The following COL4A4 variants were observed in gnomAD, a reference collection of about 807,000 sequenced individuals.
The protein encoded by COL4A4 is collagen type IV alpha 4 chain.
In COL4A4, 105 loss-of-function variants were observed where a neutral mutation model predicts 192.9. That is an observed-to-expected ratio of 0.54 (90% CI 0.46 to 0.64). The LOEUF (loss-of-function observed/expected upper bound fraction) is 0.64, where lower values mean the gene tolerates loss of function less well. COL4A4 is among the 30% of genes least tolerant of loss of function. COL4A4 has a pLI of 0.00. For synonymous variants in COL4A4, 762 were observed against 769.9 expected (o/e 0.99, Z 0.17); for missense variants, 1,967 against 2,169.3 (o/e 0.91, Z 1.85).
rs754464583 is a variant in COL4A4 at position 227,080,563 on chromosome 2, T to C, written c.1697-14A>G. ...CTCCTTTGTGCCCTGGAAATAGAGG[T>C]CAAAAGATATTCAAGCTCTTATCAG... is the stretch of plus-strand genomic sequence containing the variant. On this transcript the variant is annotated splice_polypyrimidine_tract_variant and intron_variant, in intron 23 of 47. Coordinates refer to ENST00000396625, the MANE Select transcript of COL4A4 (RefSeq NM_000092.5). 1.6e-5 allele frequency: 26 copies of C among 1,603,098 alleles called. 1 individual carries two copies. The highest frequency in any genetic ancestry group is 2.2e-5 in the Non-Finnish European group (26 of 1,170,426).
intron 24 of COL4A4, among the ~76,000 whole-genome samples, chr2:227,080,206 C>G (rs185638008): frequency 2.0e-5 from 3 of 152,242 alleles, no homozygotes; most frequent in East Asian, 3.9e-4. Context: ...ATATAAAGAC[C>G]AAGGACCGAA....
chr2:227,164,406 C>T, upstream of COL4A4: 1 of 490,832 alleles, frequency 2.0e-6, no homozygotes, highest in Non-Finnish European at 3.7e-6. This position sits in a 1 kb window ranked among gnomAD's most constrained non-coding sequence, Gnocchi z 4.8. Context: ...CCTGGATCCG[C>T]GCCCACCTGC....
chr2:226,996,857 A>G, the COL4A4 span: 2 of 152,396 alleles, frequency 1.3e-5, no homozygotes, highest in Admixed American at 1.3e-4. Flanking sequence ...ACTTAAAAAT[A>G]AATACTATGT....
chr2:227,118,553 T>C (rs943601429), intron 7 of COL4A4, 92 bp downstream of exon 7: 2 of 984,660 alleles, frequency 2.0e-6, no homozygotes, highest in African/African-American at 1.6e-5. Context: ...GGCACACTTG[T>C]ATTAACTCTG....
chr2:227,103,073 G>C, intron 14 of COL4A4, 71 bp downstream of exon 14: 2 of 1,374,628 alleles, frequency 1.5e-6, no homozygotes, highest in Non-Finnish European at 2.0e-6. Flanking sequence ...TAAAGACCAT[G>C]AGAAATAACA....
At position 227,003,089 on chromosome 2, in the gene COL4A4, T is replaced by C. The variant is rs564235267; in HGVS notation, c.*4236A>G. The C allele has an allele frequency of 3.3e-5, 5 of 152,534 alleles. No homozygotes were observed. In the East Asian group the frequency reaches 7.7e-4, roughly 24 times the overall value. The allele number at this position is 152,534 out of a possible 1,614,324, so 9.4% of individuals were successfully genotyped here. A position where few individuals can be genotyped will look rare whatever the true frequency, so the allele number is the denominator to read the frequency against. Reference sequence around the variant, plus strand: ...TTACTGATAATGTCCCTGCAGGAAATTGTGATATTTTCTGTGCTACAGTAA... The same window carrying C: ...TTACTGATAATGTCCCTGCAGGAAACTGTGATATTTTCTGTGCTACAGTAA... On this transcript the variant is annotated 3_prime_UTR_variant, in exon 48 of 48. Coordinates refer to ENST00000396625, the MANE Select transcript of COL4A4 (RefSeq NM_000092.5).
At chr2:226,987,475 C>T in the COL4A4 span, among the ~76,000 whole-genome samples, 36 of 152,190 alleles carry the variant, frequency 2.4e-4, no homozygotes, top group Non-Finnish European at 3.7e-4. Context: ...GTAGGACAGG[C>T]AACAGTCTCC....
chr2:227,111,031 C>A (rs1297272517), intron 9 of COL4A4, among the ~76,000 whole-genome samples: 1 of 152,204 alleles, frequency 6.6e-6, no homozygotes, highest in Non-Finnish European at 1.5e-5. Context: ...ACTGGAAAGA[C>A]TAATATAATC....
the COL4A4 span, among the ~76,000 whole-genome samples, chr2:226,974,209 T>G: frequency 6.8e-6 from 1 of 147,672 alleles, no homozygotes; most frequent in African/African-American, 2.5e-5. Context: ...CAGAGTGTTG[T>G]ATGGGTGTTG....
chr2:227,029,912 T>A (rs905360113), intron 41 of COL4A4, among the ~76,000 whole-genome samples: 10 of 152,168 alleles, frequency 6.6e-5, no homozygotes. Flanking sequence ...ACATGGCTAG[T>A]TAGCACTTGA....
intron 37 of COL4A4, among the ~76,000 whole-genome samples, chr2:227,041,886 G>GAA (rs757910382): frequency 2.8e-5 from 4 of 145,398 alleles, no homozygotes; most frequent in Admixed American, 6.7e-5. Flanking sequence ...AAGAAAGAAA[G>GAA]AAAGAAAGAA....
intron 39 of COL4A4, 36 bp downstream of exon 39, chr2:227,032,112 G>A: frequency 1.2e-6 from 2 of 1,614,164 alleles, no homozygotes; most frequent in Non-Finnish European, 1.7e-6. Context: ...TTTTGGTTTA[G>A]TTATTGAAAG....
chr2:227,120,133 C>T (rs1319187531), intron 5 of COL4A4, among the ~76,000 whole-genome samples, 194 bp from the exon 6 acceptor site: 1 of 152,102 alleles, frequency 6.6e-6, no homozygotes, highest in South Asian at 2.1e-4. Flanking sequence ...CTTGGGAAAA[C>T]AGCCTAGCAG....
chr2:227,032,739 A>G (rs1003786173), intron 38 of COL4A4, among the ~76,000 whole-genome samples: 2 of 152,232 alleles, frequency 1.3e-5, no homozygotes, highest in African/African-American at 4.8e-5. Flanking sequence ...AAGTGACTAT[A>G]TTACTGGATC....
chr2:227,128,452 T>C (rs916015732), intron 4 of COL4A4, among the ~76,000 whole-genome samples: 2 of 152,204 alleles, frequency 1.3e-5, no homozygotes, highest in East Asian at 3.9e-4. Flanking sequence ...TATCCCCAAC[T>C]GTTTTCTAGA....
At chr2:227,070,124 A>G (rs997966111) in intron 25 of COL4A4, among the ~76,000 whole-genome samples, 3 of 152,234 alleles carry the variant, frequency 2.0e-5, no homozygotes, top group Non-Finnish European at 2.9e-5. Context: ...AAAAATGCTC[A>G]CCATCACTGG....
At chr2:227,112,033 G>A (rs2272528) in intron 8 of COL4A4, among the ~76,000 whole-genome samples, 1 of 151,872 alleles carries the variant, frequency 6.6e-6, no homozygotes, top group Non-Finnish European at 1.5e-5. Flanking sequence ...TGTTGCTGGT[G>A]TCTTTCCACA....
intron 44 of COL4A4, among the ~76,000 whole-genome samples, chr2:227,017,511 C>T (rs1213550384): frequency 6.6e-6 from 1 of 152,210 alleles, no homozygotes; most frequent in Non-Finnish European, 1.5e-5. Flanking sequence ...TGGGTACATC[C>T]ATTAGGCAGG....
At chr2:227,103,813 C>T (rs2060660308) in intron 13 of COL4A4, among the ~76,000 whole-genome samples, 159 bp downstream of exon 13, 1 of 152,166 alleles carries the variant, frequency 6.6e-6, no homozygotes, top group South Asian at 2.1e-4. Flanking sequence ...ATTTTCAATG[C>T]CGCACGATGG....
Sources: gnomAD v4.1 joint callset for allele counts (sites outside exome capture counted in the v4.1 genomes callset) on GRCh38, gnomAD v4.1.1 for gene constraint, Gnocchi (gnomAD v3.1) non-coding constraint, MANE v1.5 for transcripts, NCBI Gene and HGNC (gene_info 2026-07-23, HGNC 2026-07-21) for gene names.